The following DMD variants were observed in gnomAD, a reference collection of about 807,000 sequenced individuals.
DMD encodes dystrophin.
A neutral mutation model predicts 330.1 loss-of-function variants in DMD; 63 were observed. The observed-to-expected ratio is 0.19, with a 90% confidence interval of 0.16 to 0.24. The LOEUF (loss-of-function observed/expected upper bound fraction) is 0.24, where lower values mean the gene tolerates loss of function less well. Ranked by LOEUF, DMD falls within the 10% of genes least tolerant of loss-of-function variation. The probability of loss-of-function intolerance (pLI) is 1.00; values close to 1 mark genes in which losing one functional copy is unlikely to be tolerated. For missense variants in DMD, 3,344 were observed against 2,684.1 expected (o/e 1.25, Z -5.43); for synonymous variants, 1,223 against 959.8 (o/e 1.27, Z -5.07).
intron 43 of DMD, among the ~76,000 whole-genome samples, chrX:32,236,289 T>C (rs1172290535): frequency 4.5e-5 from 5 of 112,355 alleles, no homozygotes; most frequent in African/African-American, 1.6e-4. Flanking sequence ...TTAACTGGAA[T>C]GCTGTTTGGT....
intron 6 of DMD, among the ~76,000 whole-genome samples, chrX:32,815,054 A>G (rs1291587432): frequency 7.2e-5 from 8 of 111,090 alleles, no homozygotes; most frequent in African/African-American, 2.6e-4. Flanking sequence ...CTGTCATACG[A>G]GAAACAATGT....
Position 31,256,761 on chromosome X carries a change from T to C in DMD, c.9286+4194A>G, listed in dbSNP as rs2050001881. On this transcript the variant is annotated intron_variant, in intron 63 of 78. Transcript: ENST00000357033. ...TGGGGCGTGTGTGTGTGTGTGTGTG[T>C]GTGTGTGTGTGGCTACTGCTGCTTT... 5.5e-5 allele frequency among the ~76,000 whole-genome samples: 6 copies of C among 108,288 alleles called. No individual in the cohort carries two copies. The South Asian group carries it at 2.5e-3, about 45-fold the overall frequency. The allele number at this position is 108,288 out of a possible 115,157, so 94.0% of individuals were successfully genotyped here.
At chrX:32,444,846 A>G (rs1569562731) in intron 27 of DMD, among the ~76,000 whole-genome samples, 1 of 110,939 alleles carries the variant, frequency 9.0e-6, no homozygotes, top group African/African-American at 3.3e-5. Context: ...AGGATCTAAA[A>G]CAAAACCACT....
At chrX:32,094,460 T>C (rs762560184) in intron 44 of DMD, among the ~76,000 whole-genome samples, 1 of 112,241 alleles carries the variant, frequency 8.9e-6, no homozygotes, top group South Asian at 3.6e-4. Flanking sequence ...AAATATGTAA[T>C]ATCAATAATG....
At chrX:33,046,679 C>A (rs1432361492) in intron 1 of DMD, among the ~76,000 whole-genome samples, 3 of 111,768 alleles carry the variant, frequency 2.7e-5, no homozygotes, top group Non-Finnish European at 3.8e-5. Flanking sequence ...TTCCTGATGC[C>A]TATTTGGTGC....
chrX:32,656,005 A>G (rs2060542107), intron 9 of DMD, among the ~76,000 whole-genome samples: 1 of 111,477 alleles, frequency 9.0e-6, no homozygotes, highest in Non-Finnish European at 1.9e-5. Flanking sequence ...TCCTACATTA[A>G]AAAAATGGCT....
chrX:31,932,253 AT>A (rs768654543), intron 45 of DMD, 26 bp from the exon 46 acceptor site: 113 of 1,127,995 alleles, frequency 1.0e-4, no homozygotes, highest in South Asian at 1.7e-4. Context: ...TAAAATTGTT[AT>A]TTTTTTTTCC....
At chrX:32,204,103 T>A (rs932276649) in intron 44 of DMD, among the ~76,000 whole-genome samples, 12 of 111,787 alleles carry the variant, frequency 1.1e-4, no homozygotes, top group Non-Finnish European at 2.1e-4. Flanking sequence ...GTGGTATTAT[T>A]CTTTTTATTA....
intron 47 of DMD, among the ~76,000 whole-genome samples, chrX:31,901,863 T>C (rs979055990): frequency 9.0e-6 from 1 of 111,647 alleles, no homozygotes; most frequent in African/African-American, 3.2e-5. Flanking sequence ...GTGTACAACA[T>C]GTTTTGAAAT....
At chrX:31,898,478 A>C in intron 47 of DMD, among the ~76,000 whole-genome samples, 1 of 111,129 alleles carries the variant, frequency 9.0e-6, no homozygotes, top group Non-Finnish European at 1.9e-5. Context: ...ATCTACAACT[A>C]TCTGATCTTT....
chrX:31,944,547 G>A (rs1248512978), intron 45 of DMD, among the ~76,000 whole-genome samples: 1 of 104,994 alleles, frequency 9.5e-6, no homozygotes, highest in African/African-American at 3.5e-5. Flanking sequence ...GTGCGATCTC[G>A]GCTCACTGCA....
At chrX:31,864,529 C>T (rs1156558770) in intron 48 of DMD, among the ~76,000 whole-genome samples, 1 of 83,064 alleles carries the variant, frequency 1.2e-5, no homozygotes, top group Non-Finnish European at 2.2e-5. Flanking sequence ...TTGCTCTATT[C>T]CCCATGCCGG....
At chrX:32,637,193 A>T (rs1451037195) in intron 11 of DMD, among the ~76,000 whole-genome samples, 2 of 111,507 alleles carry the variant, frequency 1.8e-5, no homozygotes, top group Non-Finnish European at 3.8e-5. Flanking sequence ...GGTAATGTTG[A>T]CACTCTGAAA....
intron 62 of DMD, among the ~76,000 whole-genome samples, chrX:31,284,057 T>TA (rs1226469493): frequency 2.7e-5 from 3 of 112,185 alleles, no homozygotes; most frequent in African/African-American, 9.7e-5. Context: ...TCAGAACACT[T>TA]ACGTTAGCCT....
chrX:31,285,362 T>C (rs976276795), intron 62 of DMD, among the ~76,000 whole-genome samples: 3 of 112,364 alleles, frequency 2.7e-5, no homozygotes, highest in African/African-American at 9.7e-5. Context: ...GGTGCCATTC[T>C]GAGATAACAG....
At chrX:32,354,572 A>G (rs2097792578) in intron 37 of DMD, among the ~76,000 whole-genome samples, 1 of 111,848 alleles carries the variant, frequency 8.9e-6, no homozygotes, top group Admixed American at 9.5e-5. Context: ...TATTTATTCT[A>G]TTATTTTAAA....
At chrX:32,250,288 C>G (rs936290932) in intron 43 of DMD, among the ~76,000 whole-genome samples, 2 of 111,166 alleles carry the variant, frequency 1.8e-5, no homozygotes, top group East Asian at 5.7e-4. Context: ...TGCTTACAAT[C>G]TATTCTCTGT....
intron 67 of DMD, among the ~76,000 whole-genome samples, chrX:31,183,861 C>CT (rs368852473): frequency 1.0e-5 from 1 of 96,396 alleles, no homozygotes; most frequent in African/African-American, 4.1e-5. Context: ...AAAATACCTC[C>CT]TTTTTTTAAA....
chrX:32,364,915 T>C, intron 35 of DMD, 105 bp downstream of exon 35: 2 of 888,825 alleles, frequency 2.3e-6, no homozygotes, highest in East Asian at 3.2e-5. Context: ...AGCCAGCATA[T>C]ACGTAGAATT....
Sources: gnomAD v4.1 joint callset for allele counts (sites outside exome capture counted in the v4.1 genomes callset) on GRCh38, gnomAD v4.1.1 for gene constraint, MANE v1.5 for transcripts, NCBI Gene and HGNC (gene_info 2026-07-23, HGNC 2026-07-21) for gene names.